DUXB: variants seen among roughly 807,000 people sequenced by gnomAD.
DUXB encodes the protein double homeobox B.
DUXB carries 22 observed loss-of-function variants against 8.9 expected under a neutral mutation model. The observed-to-expected ratio is 2.46, with a 90% CI of 1.76 to 3.52. The LOEUF is 3.52. Among genes scored for constraint, DUXB ranks in the 30% most tolerant of loss-of-function variants. The probability of loss-of-function intolerance (pLI) is 0.00; values close to 1 mark genes in which losing one functional copy is unlikely to be tolerated. For missense variants in DUXB, 237 were observed against 108.7 expected (o/e 2.18, Z -5.25); for synonymous variants, 84 against 37.6 (o/e 2.23, Z -4.52).
In DUXB at chr16:75,694,399, G is replaced by A; in HGVS notation, c.568C>T (p.Leu190Phe). 4.3e-6 allele frequency: 3 copies of A among 694,456 alleles called. No individual in the cohort carries two copies. The highest frequency in any genetic ancestry group is 2.7e-5 in the East Asian group (1 of 37,032). 43.0% of individuals were successfully genotyped at this position (694,456 alleles called of 1,614,324 possible). Residue 190 changes from leucine to phenylalanine, a missense_variant, in exon 5 of 5, where the codon CTC (leucine) becomes TTC (phenylalanine). Physicochemically the swap from Leu to Phe is conservative, Grantham distance 22. Coordinates refer to ENST00000633875, the MANE Select transcript of DUXB (RefSeq NM_001351307.2). ...TVGWHPINLF[L>F]PTDSSHYFSC... ...AAATAATGAGAGCTGTCTGTGGGGAGGAACAGGTTGATTGGATGCCACCCA... is the reference window on the plus strand; with the variant it reads ...AAATAATGAGAGCTGTCTGTGGGGAAGAACAGGTTGATTGGATGCCACCCA...
At chr16:75,695,044 G>A (rs1435132097) in intron 4 of DUXB, among the ~76,000 whole-genome samples, 1 of 152,096 alleles carries the variant, frequency 6.6e-6, no homozygotes, top group Non-Finnish European at 1.5e-5. Context: ...TTTTATGTGA[G>A]TTTGAGAAAA....
chr16:75,694,916 T>A (rs537290896), intron 4 of DUXB, among the ~76,000 whole-genome samples: 12 of 152,356 alleles, frequency 7.9e-5, no homozygotes, highest in Non-Finnish European at 1.6e-4. Context: ...CCTTGGAGTT[T>A]GGTATTCAGG....
At chr16:75,694,647 G>C (rs1253860429) in intron 4 of DUXB, 122 bp from the exon 5 acceptor site, 4 of 623,888 alleles carry the variant, frequency 6.4e-6, no homozygotes, top group Non-Finnish European at 1.1e-5. Flanking sequence ...ATTTTATAGA[G>C]TTGGCTCTCT....
rs143966470 is a variant in DUXB at position 75,696,119 on chromosome 16, A to G, written c.287-4T>C. The G allele has an allele frequency of 1.2e-3, 812 of 691,510 alleles. 6 individuals carry two copies. The African/African-American group carries it at 0.013, about 11-fold the overall frequency. The allele number at this position is 691,510 out of a possible 1,614,324, so 42.8% of individuals were successfully genotyped here. ...CGGGCTTCTTTAGGTAAGTATTCTA[A>G]AGGAGAACACAGAAGCTGTTGGGGA... is the stretch of plus-strand genomic sequence containing the variant. On this transcript the variant is annotated splice_polypyrimidine_tract_variant and splice_region_variant and intron_variant, in intron 3 of 4. Coordinates refer to ENST00000633875, the MANE Select transcript of DUXB (RefSeq NM_001351307.2).
At chr16:75,696,969 G>T (rs1027415440) in intron 2 of DUXB, 26 bp from the exon 3 acceptor site, 10 of 699,628 alleles carry the variant, frequency 1.4e-5, no homozygotes, top group Non-Finnish European at 2.3e-5. Context: ...AGATGTGATA[G>T]TCATACAACT....
At chr16:75,695,842 C>T in intron 4 of DUXB, 119 bp downstream of exon 4, 2 of 615,400 alleles carry the variant, frequency 3.2e-6, no homozygotes, top group South Asian at 2.0e-5. Flanking sequence ...CGTTTACCAT[C>T]CCCCGTTTCC....
intron 2 of DUXB, chr16:75,698,577 T>TTC (rs994104770): frequency 2.6e-5 from 4 of 152,098 alleles, no homozygotes; most frequent in Non-Finnish European, 4.4e-5. Context: ...GCAGTGGCTA[T>TTC]TCACAGGCAT....
At chr16:75,695,373 C>G (rs1048440280) in intron 4 of DUXB, among the ~76,000 whole-genome samples, 2 of 152,200 alleles carry the variant, frequency 1.3e-5, no homozygotes, top group African/African-American at 2.4e-5. Context: ...TGATTAATGA[C>G]TAACAAACAC....
At chr16:75,695,409 T>A (rs1240414985) in intron 4 of DUXB, among the ~76,000 whole-genome samples, 1 of 152,250 alleles carries the variant, frequency 6.6e-6, no homozygotes, top group Non-Finnish European at 1.5e-5. Context: ...AGAGTTTGTG[T>A]CATAAGCCCA....
At position 75,700,008 on chromosome 16, in the gene DUXB, T is replaced by C. The variant is rs1055162767; in HGVS notation, c.180+7A>G. Reference sequence around the variant, plus strand: ...GACAGGTAATGAAGTAGAAATCTAATGCCTACCTGAATATTAGATTCTGGA... The same window carrying C: ...GACAGGTAATGAAGTAGAAATCTAACGCCTACCTGAATATTAGATTCTGGA... On this transcript the variant is annotated splice_region_variant and intron_variant, in intron 2 of 4. Transcript: ENST00000633875. The C allele has an allele frequency of 7.2e-6, 5 of 694,698 alleles. No homozygotes were observed. The highest frequency in any genetic ancestry group is 7.8e-6 in the Non-Finnish European group (3 of 382,184). The allele number at this position is 694,698 out of a possible 1,614,324, so 43.0% of individuals were successfully genotyped here. A position where few individuals can be genotyped will look rare whatever the true frequency, so the allele number is the denominator to read the frequency against.
At chr16:75,694,592 C>T in intron 4 of DUXB, 67 bp from the exon 5 acceptor site, 1 of 695,566 alleles carries the variant, frequency 1.4e-6, no homozygotes, top group Non-Finnish European at 2.6e-6. Context: ...ATCAGATACT[C>T]TATAAAACAA....
intron 2 of DUXB, 123 bp from the exon 3 acceptor site, chr16:75,697,066 A>G: frequency 1.6e-6 from 1 of 618,422 alleles, no homozygotes; most frequent in Non-Finnish European, 2.9e-6. Context: ...CACAAGAGAA[A>G]GGCAATCCAT....
In DUXB at chr16:75,697,975, C is replaced by G. The variant is rs547469032; in HGVS notation, c.181-1032G>C. On this transcript the variant is annotated intron_variant, in intron 2 of 4. Transcript: ENST00000633875. ...TCATCCCAAAACCATTACCCACCCC[C>G]TCTTGTCTGTGGAAATATTGTCTTC... Among the ~76,000 whole-genome samples, 159 of 152,300 alleles carry G rather than the reference C, an allele frequency of 1.0e-3. 1 individual carries two copies. Among genetic ancestry groups the G allele is most frequent in the African/African-American group, 3.6e-3 (151 of 41,562 alleles).
chr16:75,696,954 G>A lies in DUXB; in HGVS notation c.181-11C>T. ...ATTTTTAAACCAAACCTAAGTAGGA[G>A]AAGAAGATGTGATAGTCATACAACT... On this transcript the variant is annotated splice_polypyrimidine_tract_variant and intron_variant, in intron 2 of 4. Coordinates refer to ENST00000633875, the MANE Select transcript of DUXB (RefSeq NM_001351307.2). 1.4e-6 allele frequency: 1 copy of A among 701,238 alleles called. No homozygotes were observed. Among genetic ancestry groups the A allele is most frequent in the Non-Finnish European group, 2.6e-6 (1 of 384,444 alleles). 43.4% of individuals were successfully genotyped at this position (701,238 alleles called of 1,614,324 possible). A position where few individuals can be genotyped will look rare whatever the true frequency, so the allele number is the denominator to read the frequency against.
chr16:75,694,965 A>T (rs1289569783), intron 4 of DUXB, among the ~76,000 whole-genome samples: 1 of 152,204 alleles, frequency 6.6e-6, no homozygotes, highest in Non-Finnish European at 1.5e-5. Context: ...ATACTGAGGG[A>T]TGACTGTATA....
intron 2 of DUXB, among the ~76,000 whole-genome samples, chr16:75,697,825 C>T (rs750861137): frequency 9.4e-4 from 143 of 152,300 alleles, no homozygotes; most frequent in Non-Finnish European, 1.7e-3. Flanking sequence ...AGATCAGCTG[C>T]TGTGTTAGAT....
At position 75,696,945 on chromosome 16, in the gene DUXB, T is replaced by G. The variant is rs1330224937; in HGVS notation, c.181-2A>C. 2.9e-6 allele frequency: 2 copies of G among 701,618 alleles called. No individual in the cohort carries two copies. Among genetic ancestry groups the G allele is most frequent in the East Asian group, 5.4e-5 (2 of 37,276 alleles). 43.5% of individuals were successfully genotyped at this position (701,618 alleles called of 1,614,324 possible). ...TACTCTGTAATTTTTAAACCAAACC[T>G]AAGTAGGAGAAGAAGATGTGATAGT... On this transcript the variant is annotated splice_acceptor_variant, in intron 2 of 4. Coordinates refer to ENST00000633875, the MANE Select transcript of DUXB (RefSeq NM_001351307.2). LOFTEE classifies it high-confidence loss of function.
chr16:75,698,159 G>C (rs1254856641), intron 2 of DUXB, among the ~76,000 whole-genome samples: 4 of 152,176 alleles, frequency 2.6e-5, no homozygotes, highest in Non-Finnish European at 5.9e-5. Flanking sequence ...CTATGGCAGA[G>C]GTAACCTCCA....
At chr16:75,696,247 C>T in intron 3 of DUXB, 132 bp from the exon 4 acceptor site, 1 of 617,646 alleles carries the variant, frequency 1.6e-6, no homozygotes, top group South Asian at 2.0e-5. Flanking sequence ...TGCTCTGCAG[C>T]AGGACCAAAA....
Sources: allele counts gnomAD v4.1 joint callset (sites outside exome capture counted in the v4.1 genomes callset), GRCh38; gene constraint gnomAD v4.1.1; transcripts MANE v1.5; gene names NCBI Gene and HGNC (gene_info 2026-07-23, HGNC 2026-07-21).